Variants in SDK1 observed in about 807,000 individuals in gnomAD.
The protein encoded by SDK1 is protein sidekick-1.
In SDK1, 157 loss-of-function variants were observed where a neutral mutation model predicts 245.5. The ratio of observed to expected loss-of-function variants is 0.64; its 90% CI spans 0.56 to 0.73. The LOEUF (loss-of-function observed/expected upper bound fraction) is 0.73. Ranked by LOEUF, SDK1 falls within the 30% of genes least tolerant of loss-of-function variation. SDK1 has a pLI of 0.00. For missense variants in SDK1, 3,583 were observed against 3,002.3 expected (o/e 1.19, Z -4.52); for synonymous variants, 1,647 against 1,278.5 (o/e 1.29, Z -6.15).
intron 19 of SDK1, among the ~76,000 whole-genome samples, chr7:4,061,212 A>T (rs969573440): frequency 6.6e-6 from 1 of 151,956 alleles, no homozygotes; most frequent in East Asian, 1.9e-4. Flanking sequence ...GATGGCATTG[A>T]ATCTATAAAT....
intron 2 of SDK1, among the ~76,000 whole-genome samples, chr7:3,621,835 T>A (rs901857660): frequency 6.6e-6 from 1 of 152,240 alleles, no homozygotes; most frequent in Non-Finnish European, 1.5e-5. Flanking sequence ...TCTCAAACTA[T>A]TATTTGCAAA....
intron 4 of SDK1, among the ~76,000 whole-genome samples, chr7:3,648,844 T>C (rs1782925270): frequency 6.6e-6 from 1 of 152,206 alleles, no homozygotes; most frequent in South Asian, 2.1e-4. Context: ...TCACCGTAAT[T>C]CTGACCTTGG....
intron 18 of SDK1, among the ~76,000 whole-genome samples, chr7:4,051,402 A>G (rs964321912): frequency 6.6e-6 from 1 of 151,188 alleles, no homozygotes; most frequent in Non-Finnish European, 1.5e-5. Context: ...TGAGTTAAGT[A>G]GTTATTTACA....
chr7:4,090,876 C>A (rs1417326008), intron 22 of SDK1, among the ~76,000 whole-genome samples: 1 of 144,820 alleles, frequency 6.9e-6, no homozygotes, highest in African/African-American at 2.8e-5. Context: ...CAATGCAAAA[C>A]CCTCAGTTTA....
At chr7:3,716,419 C>T (rs1464334075) in intron 4 of SDK1, among the ~76,000 whole-genome samples, 1 of 152,144 alleles carries the variant, frequency 6.6e-6, no homozygotes. Flanking sequence ...AAAAATCTGT[C>T]AACCATGAAT....
At chr7:3,616,867 A>C (rs1291245262) in intron 1 of SDK1, among the ~76,000 whole-genome samples, 1 of 152,228 alleles carries the variant, frequency 6.6e-6, no homozygotes, top group Admixed American at 6.5e-5. Flanking sequence ...ACAGCTTAGT[A>C]ATGTCACAAA....
chr7:3,498,696 C>T (rs559450340), intron 1 of SDK1, among the ~76,000 whole-genome samples: 2 of 151,778 alleles, frequency 1.3e-5, no homozygotes, highest in South Asian at 4.2e-4. Flanking sequence ...ATATTTGTTA[C>T]CGGAATGTCT....
At chr7:3,613,220 G>A (rs994136797) in intron 1 of SDK1, among the ~76,000 whole-genome samples, 4 of 152,096 alleles carry the variant, frequency 2.6e-5, no homozygotes, top group African/African-American at 9.7e-5. Context: ...GGGAAGCCGG[G>A]GGACGCAGGA....
intron 8 of SDK1, among the ~76,000 whole-genome samples, chr7:3,961,785 C>T (rs935173694): frequency 3.3e-5 from 5 of 152,166 alleles, no homozygotes; most frequent in African/African-American, 1.2e-4. Context: ...CCATTGAGCA[C>T]TCACCAGGTG....
At chr7:3,683,450 A>C (rs1328019881) in intron 4 of SDK1, among the ~76,000 whole-genome samples, 2 of 152,104 alleles carry the variant, frequency 1.3e-5, no homozygotes, top group African/African-American at 4.8e-5. Context: ...AATACTCATC[A>C]GAGGTTATTA....
At chr7:3,942,378 C>T (rs1780400542) in intron 5 of SDK1, among the ~76,000 whole-genome samples, 1 of 152,182 alleles carries the variant, frequency 6.6e-6, no homozygotes, top group African/African-American at 2.4e-5. Context: ...CAGGGGTCCC[C>T]AAGGCAGCAG....
At chr7:3,508,835 G>C (rs1386548429) in intron 1 of SDK1, among the ~76,000 whole-genome samples, 3 of 152,190 alleles carry the variant, frequency 2.0e-5, no homozygotes, top group Non-Finnish European at 4.4e-5. Context: ...GCTGCTATCA[G>C]TAGGTGCTCA....
intron 1 of SDK1, among the ~76,000 whole-genome samples, chr7:3,409,854 C>A (rs1053946418): frequency 6.6e-6 from 1 of 152,064 alleles, no homozygotes; most frequent in Non-Finnish European, 1.5e-5. Flanking sequence ...TGGAACTCTC[C>A]TAGCAGAGTT....
intron 1 of SDK1, among the ~76,000 whole-genome samples, chr7:3,522,951 C>G (rs1279220809): frequency 3.5e-5 from 1 of 28,970 alleles, no homozygotes; most frequent in Non-Finnish European, 6.7e-5. Context: ...TAGGGGCACT[C>G]TTTGGCTCTT....
At chr7:3,508,289 T>C (rs945679094) in intron 1 of SDK1, among the ~76,000 whole-genome samples, 1 of 151,990 alleles carries the variant, frequency 6.6e-6, no homozygotes, top group Admixed American at 6.5e-5. Flanking sequence ...ATCATTACTC[T>C]TTCCTCTCTG....
At chr7:3,563,486 A>G (rs957139988) in intron 1 of SDK1, among the ~76,000 whole-genome samples, 20 of 152,340 alleles carry the variant, frequency 1.3e-4, no homozygotes, top group African/African-American at 4.8e-4. Flanking sequence ...AATGCTATAT[A>G]TTGATAAAGG....
intron 5 of SDK1, among the ~76,000 whole-genome samples, chr7:3,826,137 A>G (rs1779768834): frequency 6.6e-6 from 1 of 152,190 alleles, no homozygotes; most frequent in African/African-American, 2.4e-5. Context: ...TGTTGGACAG[A>G]ACTAAGTCTA....
intron 1 of SDK1, among the ~76,000 whole-genome samples, chr7:3,465,996 G>T (rs181533838): frequency 6.6e-6 from 1 of 152,218 alleles, no homozygotes; most frequent in African/African-American, 2.4e-5. Context: ...TGATAAAGAT[G>T]GACATGGAAC....
At chr7:3,577,319 G>T in intron 1 of SDK1, among the ~76,000 whole-genome samples, 1 of 152,064 alleles carries the variant, frequency 6.6e-6, no homozygotes, top group East Asian at 1.9e-4. Flanking sequence ...CCATTTTACA[G>T]ACAAGGAAAC....
Sources: gnomAD v4.1 joint callset for allele counts (sites outside exome capture counted in the v4.1 genomes callset) on GRCh38, gnomAD v4.1.1 for gene constraint, MANE v1.5 for transcripts, NCBI Gene and HGNC (gene_info 2026-07-23, HGNC 2026-07-21) for gene names.